Variants in COMMD1 observed in about 807,000 individuals in gnomAD.
The protein encoded by COMMD1 is COMM domain-containing protein 1.
A neutral mutation model predicts 17.2 loss-of-function variants in COMMD1; 10 were observed. The observed-to-expected ratio is 0.58, with a 90% CI of 0.36 to 0.99. COMMD1 has a LOEUF of 0.99. COMMD1 is among the 50% of genes least tolerant of loss of function. COMMD1 has a pLI of 0.01. For missense variants in COMMD1, 270 were observed against 231.8 expected, an observed-to-expected ratio of 1.17 and a Z score of -1.07; for synonymous variants, 97 against 91.6, an observed-to-expected ratio of 1.06 and a Z score of -0.34.
intron 1 of COMMD1, among the ~76,000 whole-genome samples, chr2:61,993,000 GTAC>G (rs1416722488): frequency 6.6e-6 from 1 of 151,942 alleles, no homozygotes; most frequent in African/African-American, 2.4e-5. Flanking sequence ...ATTAATACTT[GTAC>G]TACTACTACT....
intron 2 of COMMD1, among the ~76,000 whole-genome samples, chr2:62,094,099 TCCCTA>T (rs1671927122): frequency 6.6e-6 from 1 of 152,184 alleles, no homozygotes; most frequent in African/African-American, 2.4e-5. Flanking sequence ...CTGTAATTTT[TCCCTA>T]GGGGAGAGTA....
intron 1 of COMMD1, among the ~76,000 whole-genome samples, chr2:61,984,560 T>A (rs980748433): frequency 8.5e-5 from 13 of 152,274 alleles, no homozygotes; most frequent in African/African-American, 3.1e-4. Flanking sequence ...TTTTTTAGAC[T>A]TGGCTTGTAG....
chr2:62,042,230 G>A (rs1279879551), intron 2 of COMMD1, among the ~76,000 whole-genome samples: 3 of 152,030 alleles, frequency 2.0e-5, no homozygotes, highest in Non-Finnish European at 2.9e-5. Context: ...TCCCCTACCC[G>A]ATTAGCTAGA....
At chr2:62,045,109 G>A (rs375247445) in intron 2 of COMMD1, among the ~76,000 whole-genome samples, 17 of 152,262 alleles carry the variant, frequency 1.1e-4, no homozygotes, top group African/African-American at 3.9e-4. Flanking sequence ...AGGCCTGCAG[G>A]TTAGGGTTTT....
intron 2 of COMMD1, among the ~76,000 whole-genome samples, chr2:62,111,373 ACTGT>A (rs1162128364): frequency 1.3e-5 from 2 of 152,204 alleles, no homozygotes; most frequent in African/African-American, 2.4e-5. Flanking sequence ...CATAGGGAAA[ACTGT>A]CTGTTTTTAT....
chr2:61,896,947 A>T (rs893016260), intron 1 of COMMD1, among the ~76,000 whole-genome samples: 1 of 150,854 alleles, frequency 6.6e-6, no homozygotes, highest in Admixed American at 6.7e-5. Context: ...CTCATGGTTC[A>T]GCCTCCCGAG....
intron 2 of COMMD1, among the ~76,000 whole-genome samples, chr2:62,042,942 G>A (rs959964897): frequency 6.6e-6 from 1 of 152,154 alleles, no homozygotes; most frequent in East Asian, 1.9e-4. Context: ...TATTTTTAAG[G>A]CCAAACAATA....
chr2:62,021,563 G>A (rs1193795158), intron 2 of COMMD1, among the ~76,000 whole-genome samples: 1 of 152,154 alleles, frequency 6.6e-6, no homozygotes, highest in Non-Finnish European at 1.5e-5. Flanking sequence ...CAGTGGCCTG[G>A]CCTCCTCACT....
chr2:61,928,001 G>A (rs1250972526), intron 1 of COMMD1, among the ~76,000 whole-genome samples: 1 of 151,966 alleles, frequency 6.6e-6, no homozygotes, highest in Non-Finnish European at 1.5e-5. Context: ...CTGACCTCAG[G>A]TGATCTGCCC....
chr2:62,098,162 CTTTTT>C (rs1212972398), intron 2 of COMMD1, among the ~76,000 whole-genome samples: 1 of 125,842 alleles, frequency 7.9e-6, no homozygotes, highest in African/African-American at 3.0e-5. Context: ...TCCTTTCTTT[CTTTTT>C]TTTTTTTTTT....
At chr2:62,065,572 A>G (rs981537636) in intron 2 of COMMD1, among the ~76,000 whole-genome samples, 3 of 151,990 alleles carry the variant, frequency 2.0e-5, no homozygotes, top group Non-Finnish European at 2.9e-5. Flanking sequence ...CCCCTGCCTC[A>G]GCCTCCCAAA....
At chr2:61,998,351 C>G (rs933441465) in intron 1 of COMMD1, among the ~76,000 whole-genome samples, 1 of 151,890 alleles carries the variant, frequency 6.6e-6, no homozygotes, top group African/African-American at 2.4e-5. Context: ...CCTCTGCCTC[C>G]TGGATTCATG....
chr2:62,065,313 A>G (rs1671000351), intron 2 of COMMD1, among the ~76,000 whole-genome samples: 1 of 151,130 alleles, frequency 6.6e-6, no homozygotes, highest in Non-Finnish European at 1.5e-5. Flanking sequence ...AGTAAAGTAC[A>G]ATAGTGACAT....
At chr2:61,939,337 G>A (rs1052286220) in intron 1 of COMMD1, among the ~76,000 whole-genome samples, 1 of 151,658 alleles carries the variant, frequency 6.6e-6, no homozygotes, top group South Asian at 2.1e-4. Flanking sequence ...ATGGTGGCAG[G>A]TGCCTGTGGT....
At chr2:61,901,678 A>C (rs922812414), upstream of COMMD1, among the ~76,000 whole-genome samples, 3 of 152,218 alleles carry the variant, frequency 2.0e-5, no homozygotes, top group Non-Finnish European at 2.9e-5. Flanking sequence ...TTTTCATTAA[A>C]TAACTTTTTA....
chr2:62,089,881 C>T (rs1671774050), intron 2 of COMMD1, among the ~76,000 whole-genome samples: 1 of 151,622 alleles, frequency 6.6e-6, no homozygotes, highest in Non-Finnish European at 1.5e-5. Flanking sequence ...GCAGGTCCCA[C>T]AGCGCTAAGA....
chr2:62,040,555 A>G (rs1670161072), intron 2 of COMMD1, among the ~76,000 whole-genome samples: 1 of 152,214 alleles, frequency 6.6e-6, no homozygotes, highest in Non-Finnish European at 1.5e-5. Context: ...AACCCAAAAG[A>G]CAAAATATTT....
chr2:61,981,580 C>T (rs149601346), intron 1 of COMMD1, among the ~76,000 whole-genome samples: 438 of 152,128 alleles, frequency 2.9e-3, no homozygotes, highest in African/African-American at 9.7e-3. Context: ...AAGACATACC[C>T]GAGACTGGAA....
chr2:62,101,042 A>G (rs1213804452), intron 2 of COMMD1, among the ~76,000 whole-genome samples: 1 of 151,554 alleles, frequency 6.6e-6, no homozygotes, highest in Non-Finnish European at 1.5e-5. Context: ...ATGAGAATTT[A>G]TGGTTTGTAG....
Sources: allele counts gnomAD v4.1 joint callset (sites outside exome capture counted in the v4.1 genomes callset), GRCh38; gene constraint gnomAD v4.1.1; transcripts MANE v1.5; gene names NCBI Gene and HGNC (gene_info 2026-07-23, HGNC 2026-07-21).